AGAP1: variants seen among roughly 807,000 people sequenced by gnomAD.
The protein encoded by AGAP1 is arf-GAP with GTPase, ANK repeat and PH domain-containing protein 1.
AGAP1 carries 29 observed loss-of-function variants against 105.3 expected under a neutral mutation model. The ratio of observed to expected loss-of-function variants is 0.28; its 90% CI spans 0.21 to 0.38. The LOEUF is 0.38. Ranked by LOEUF, AGAP1 falls within the 10% of genes least tolerant of loss-of-function variation. The pLI is 1.00. For synonymous variants in AGAP1, 509 were observed against 485.9 expected (o/e 1.05, Z -0.63); for missense variants, 998 against 1,165.1 (o/e 0.86, Z 2.09).
At position 235,550,585 on chromosome 2, in the gene AGAP1, G is replaced by T. The variant is rs1436020621; in HGVS notation, c.163+55736G>T. On this transcript the variant is annotated intron_variant, in intron 1 of 17. Transcript: ENST00000304032. This position sits in a 1 kb window ranked among gnomAD's most constrained non-coding sequence, Gnocchi z 4.6. ...GATGAGGGTCTGCAGGCGTCGGTCT[G>T]GGAGCCACAGACAGGTGTGTTTGCC... Among the ~76,000 whole-genome samples the T allele has an allele frequency of 6.6e-6, 1 of 152,150 alleles. No individual in the cohort carries two copies. Among genetic ancestry groups the T allele is most frequent in the Non-Finnish European group, 1.5e-5 (1 of 68,044 alleles).
chr2:235,685,967 T>C (rs1949360895), intron 1 of AGAP1, among the ~76,000 whole-genome samples: 1 of 152,124 alleles, frequency 6.6e-6, no homozygotes. Flanking sequence ...GCTTCTGACA[T>C]TCTTTTGAGT....
Position 235,797,795 on chromosome 2 carries a change from A to C in AGAP1, c.710A>C (p.Gln237Pro). The change falls in exon 7 of 18, where the codon CAG becomes CCG. Residue 237 changes from glutamine (Q) to proline (P), a missense_variant. This residue lies in a region of AGAP1 where 735 missense variants were observed against 833.4 expected (regional missense o/e 0.88). Coordinates refer to ENST00000304032, the MANE Select transcript of AGAP1 (RefSeq NM_001037131.3). ...ATTGTTGCCACAAGGAAGAAGCAGC[A>C]GCTGTCCATAGGACCCTGCAAGTCG... is the stretch of plus-strand genomic sequence containing the variant. ...QKIVATRKKQ[Q>P]LSIGPCKSLP... is the part of the protein sequence containing the mutation. The C allele has an allele frequency of 6.2e-7, 1 of 1,614,208 alleles. No individual in the cohort carries two copies. Among genetic ancestry groups the C allele is most frequent in the South Asian group, 1.1e-5 (1 of 91,078 alleles).
At chr2:235,800,636 A>G (rs1056494929) in intron 8 of AGAP1, among the ~76,000 whole-genome samples, 7 of 152,368 alleles carry the variant, frequency 4.6e-5, no homozygotes, top group South Asian at 2.1e-4. Context: ...TTACAAGTAC[A>G]TGCTTTTGAA....
chr2:236,108,832 G>C (rs3754650), intron 16 of AGAP1, among the ~76,000 whole-genome samples: 1 of 152,052 alleles, frequency 6.6e-6, no homozygotes, highest in Non-Finnish European at 1.5e-5. Flanking sequence ...TGAGGTGGAC[G>C]TCTGGCTGCC....
chr2:235,871,916 G>A (rs1332522609), intron 9 of AGAP1, among the ~76,000 whole-genome samples: 6 of 152,202 alleles, frequency 3.9e-5, no homozygotes, highest in Admixed American at 6.5e-5. Flanking sequence ...CCAGTGCCAC[G>A]AAGTGTGGTT....
rs1941231795 is a variant in AGAP1, at chr2:235,494,710, C to A, written c.24C>A (p.Ala8=). ...CCATGAACTACCAGCAGCAGCTGGC[C>A]AACTCGGCTGCCATCCGGGCCGAGA... The part of the protein sequence containing the change: MNYQQQL[A]NSAAIRAEIQ... Residue 8 remains alanine (A), a synonymous_variant, in exon 1 of 18, where the codon GCC becomes GCA. Transcript: ENST00000304032. 2 of 1,549,958 alleles carry A rather than the reference C, an allele frequency of 1.3e-6. No individual in the cohort carries two copies. Among genetic ancestry groups the A allele is most frequent in the Non-Finnish European group, 1.7e-6 (2 of 1,147,566 alleles).
chr2:236,071,937 A>C (rs1185733270), intron 16 of AGAP1, among the ~76,000 whole-genome samples: 1 of 152,124 alleles, frequency 6.6e-6, no homozygotes, highest in East Asian at 1.9e-4. Flanking sequence ...GGAATTATCC[A>C]CCGTTGTGGT....
chr2:235,649,793 A>C (rs571754992), intron 1 of AGAP1, among the ~76,000 whole-genome samples: 1 of 152,372 alleles, frequency 6.6e-6, no homozygotes, highest in South Asian at 2.1e-4. Context: ...TGTACAGTGC[A>C]TCAGATGTCA....
At chr2:235,645,775 C>T (rs1947362106) in intron 1 of AGAP1, among the ~76,000 whole-genome samples, 1 of 152,186 alleles carries the variant, frequency 6.6e-6, no homozygotes, top group African/African-American at 2.4e-5. Flanking sequence ...TCTCTGCTAC[C>T]TGTTTCTTGT....
chr2:236,049,396 G>C, intron 16 of AGAP1, 115 bp downstream of exon 16: 1 of 939,336 alleles, frequency 1.1e-6, no homozygotes, highest in Non-Finnish European at 1.6e-6. Flanking sequence ...TAGGAATTCG[G>C]GAATTCCGAT....
At chr2:235,573,064 CTTCTTTCTTCT>C (rs1944618430) in intron 1 of AGAP1, among the ~76,000 whole-genome samples, 1 of 117,046 alleles carries the variant, frequency 8.5e-6, no homozygotes, top group African/African-American at 3.4e-5. Context: ...CTTCTTCTTT[CTTCTTTCTTCT>C]TTCTTCTTTC....
At position 235,610,911 on chromosome 2, in the gene AGAP1, C is replaced by CT; in HGVS notation, c.164-98267dup. ...CAGTTTCGTTTCACCTGTCCTCTGC[C>CT]TGTAATCCTTTTCAGCCCCTCTGAA... On this transcript the variant is annotated intron_variant, in intron 1 of 17. Coordinates refer to ENST00000304032, the MANE Select transcript of AGAP1 (RefSeq NM_001037131.3). This position sits in a 1 kb window ranked among gnomAD's most constrained non-coding sequence, Gnocchi z 4.9. Among the ~76,000 whole-genome samples the CT allele has an allele frequency of 6.6e-6, 1 of 151,794 alleles. No homozygotes were observed. The highest frequency in any genetic ancestry group is 1.9e-4 in the East Asian group (1 of 5,186).
chr2:236,091,108 T>C (rs6709778), intron 16 of AGAP1, among the ~76,000 whole-genome samples: 24,555 of 152,220 alleles, frequency 0.16, 4,060 homozygotes, highest in African/African-American at 0.42. Context: ...CTTGGCCACG[T>C]GTTTTCTACA....
At chr2:235,656,895 G>A (rs1344084276) in intron 1 of AGAP1, among the ~76,000 whole-genome samples, 1 of 152,128 alleles carries the variant, frequency 6.6e-6, no homozygotes, top group Non-Finnish European at 1.5e-5. Flanking sequence ...CATCCTATTC[G>A]GTTTTGCACT....
In AGAP1 at chr2:235,888,826, C is replaced by G. The variant is rs942758684; in HGVS notation, c.1155+5377C>G. Among the ~76,000 whole-genome samples the G allele has an allele frequency of 3.3e-5, 5 of 152,204 alleles. No individual in the cohort carries two copies. Among genetic ancestry groups the G allele is most frequent in the Non-Finnish European group, 7.3e-5 (5 of 68,038 alleles). On this transcript the variant is annotated intron_variant, in intron 10 of 17. Transcript: ENST00000304032. The surrounding 1 kb of genome is among the most constrained non-coding windows in gnomAD (Gnocchi z 4.8). Reference sequence around the variant, plus strand: ...AGCTCCTGCGTGCTCCCAGCAGTGCCAGCATCCTCATACCTTTGTTTGGGA... The same window carrying G: ...AGCTCCTGCGTGCTCCCAGCAGTGCGAGCATCCTCATACCTTTGTTTGGGA...
chr2:236,018,892 G>C (rs1459442011), intron 13 of AGAP1, among the ~76,000 whole-genome samples: 2 of 152,166 alleles, frequency 1.3e-5, no homozygotes, highest in Non-Finnish European at 2.9e-5. Flanking sequence ...CAGTCTCCCC[G>C]ACACTGCGAT....
chr2:235,604,148 TA>T (rs529957684), intron 1 of AGAP1, among the ~76,000 whole-genome samples: 20 of 150,658 alleles, frequency 1.3e-4, no homozygotes, highest in African/African-American at 2.2e-4. Flanking sequence ...GAATGGAATT[TA>T]AAAAAAAAAT....
In AGAP1 at chr2:235,958,269, G is replaced by T. The variant is rs2054032441; in HGVS notation, c.1484-10193G>T. ...GAGTGGTTGGAGGTGTTTCTGGAGGGCCCTGTACTCCCTGAAATCCAGGCT... is the reference window on the plus strand; with the variant it reads ...GAGTGGTTGGAGGTGTTTCTGGAGGTCCCTGTACTCCCTGAAATCCAGGCT... On this transcript the variant is annotated intron_variant, in intron 12 of 17. Transcript: ENST00000304032. This position sits in a 1 kb window ranked among gnomAD's most constrained non-coding sequence, Gnocchi z 4.1. Among the ~76,000 whole-genome samples the T allele has an allele frequency of 6.6e-6, 1 of 152,012 alleles. No homozygotes were observed. Among genetic ancestry groups the T allele is most frequent in the Non-Finnish European group, 1.5e-5 (1 of 68,008 alleles).
At chr2:235,524,830 G>A (rs1942769306) in intron 1 of AGAP1, among the ~76,000 whole-genome samples, 1 of 152,218 alleles carries the variant, frequency 6.6e-6, no homozygotes, top group Non-Finnish European at 1.5e-5. Flanking sequence ...AAACTCTTCA[G>A]TGAACAGATG....
Sources: gnomAD v4.1 joint callset for allele counts (sites outside exome capture counted in the v4.1 genomes callset) on GRCh38, gnomAD v4.1.1 for gene constraint, gnomAD v4.1.1 regional missense constraint, Gnocchi (gnomAD v3.1) non-coding constraint, MANE v1.5 for transcripts, NCBI Gene and HGNC (gene_info 2026-07-23, HGNC 2026-07-21) for gene names.